The following AKAP13 variants were observed in gnomAD, a reference collection of about 807,000 sequenced individuals.
AKAP13 encodes the protein A-kinase anchoring protein 13.
AKAP13 carries 80 observed loss-of-function variants against 264.5 expected under a neutral mutation model. The observed-to-expected ratio is 0.30, with a 90% CI of 0.25 to 0.36. The LOEUF (loss-of-function observed/expected upper bound fraction) is 0.36. AKAP13 is among the 10% of genes least tolerant of loss of function. The probability of loss-of-function intolerance (pLI) is 1.00; values close to 1 mark genes in which losing one functional copy is unlikely to be tolerated. For synonymous variants in AKAP13, 1,380 were observed against 1,250.2 expected (o/e 1.10, Z -2.19); for missense variants, 3,712 against 3,435.2 (o/e 1.08, Z -2.01).
chr15:85,597,222 A>G (rs2079857797), intron 8 of AKAP13, among the ~76,000 whole-genome samples: 1 of 152,212 alleles, frequency 6.6e-6, no homozygotes, highest in Admixed American at 6.5e-5. Flanking sequence ...AGTGAGCATG[A>G]GGCTTGTGCC....
In AKAP13 at chr15:85,727,346, G is replaced by A. The variant is rs1338279331; in HGVS notation, c.7005-35G>A. On this transcript the variant is annotated intron_variant, in intron 28 of 36. Coordinates refer to ENST00000394518, the MANE Select transcript of AKAP13 (RefSeq NM_007200.5). The surrounding 1 kb of genome is among the most constrained non-coding windows in gnomAD (Gnocchi z 5.3). Reference sequence around the variant, plus strand: ...GTGACCAGAGTAATTGACATCTTAGGAATTTTTTGTTCTGTCTTGTTTGGG... The same window carrying A: ...GTGACCAGAGTAATTGACATCTTAGAAATTTTTTGTTCTGTCTTGTTTGGG... 1.9e-6 allele frequency: 3 copies of A among 1,613,850 alleles called. No individual in the cohort carries two copies. The highest frequency in any genetic ancestry group is 1.3e-5 in the African/African-American group (1 of 74,918).
intron 13 of AKAP13, among the ~76,000 whole-genome samples, chr15:85,665,398 A>G (rs2083536711): frequency 6.6e-6 from 1 of 152,186 alleles, no homozygotes; most frequent in Non-Finnish European, 1.5e-5. Context: ...TAATTTTCCC[A>G]ATTCTCTAAA....
chr15:85,487,145 A>T (rs991676526), intron 2 of AKAP13, among the ~76,000 whole-genome samples: 13 of 152,218 alleles, frequency 8.5e-5, no homozygotes, highest in African/African-American at 3.1e-4. Flanking sequence ...ACTATAATCT[A>T]ACTTGTTTGG....
chr15:85,412,103 T>C (rs1431103166), intron 1 of AKAP13, among the ~76,000 whole-genome samples: 1 of 104,982 alleles, frequency 9.5e-6, no homozygotes. Context: ...CAATGTATGA[T>C]GTTACAGCAA....
intron 12 of AKAP13, chr15:85,662,305 C>A: frequency 1.4e-6 from 2 of 1,421,198 alleles, no homozygotes; most frequent in Non-Finnish European, 2.0e-6. Context: ...TAACTATGCC[C>A]TTCGTTTTTA....
At chr15:85,613,691 A>AATATATATATATATATATAT (rs751538813) in intron 8 of AKAP13, among the ~76,000 whole-genome samples, 2 of 91,968 alleles carry the variant, frequency 2.2e-5, no homozygotes, top group African/African-American at 9.1e-5. Context: ...AAAAAAAAAA[A>AATATATATATATATATATAT]ATATATATAT....
At chr15:85,543,416 T>G (rs114678030) in intron 4 of AKAP13, among the ~76,000 whole-genome samples, 1 of 152,356 alleles carries the variant, frequency 6.6e-6, no homozygotes, top group African/African-American at 2.4e-5. Context: ...GTTATTATTA[T>G]TTGAGTAAAA....
chr15:85,598,688 G>A (rs1464941284), intron 8 of AKAP13, among the ~76,000 whole-genome samples: 1 of 152,134 alleles, frequency 6.6e-6, no homozygotes, highest in Admixed American at 6.5e-5. Flanking sequence ...CCCTCAAGAA[G>A]CTCTATTGGG....
At chr15:85,512,863 ATGTATGTT>A (rs2076484891) in intron 2 of AKAP13, among the ~76,000 whole-genome samples, 1 of 95,452 alleles carries the variant, frequency 1.0e-5, no homozygotes, top group African/African-American at 3.1e-5. Flanking sequence ...GTATGTATGT[ATGTATGTT>A]TTTGAGGTGG....
chr15:85,541,646 C>T (rs2151208579), intron 4 of AKAP13, among the ~76,000 whole-genome samples: 1 of 152,276 alleles, frequency 6.6e-6, no homozygotes, highest in Non-Finnish European at 1.5e-5. Flanking sequence ...AAATCCTGAT[C>T]TGACTGTGGG....
chr15:85,693,479 A>C, intron 17 of AKAP13, 28 bp downstream of exon 17: 1 of 1,608,278 alleles, frequency 6.2e-7, no homozygotes, highest in Non-Finnish European at 8.5e-7. Context: ...TCCTCTCGTA[A>C]GATGGAACTC....
At chr15:85,386,683 AT>A (rs955154000) in intron 1 of AKAP13, among the ~76,000 whole-genome samples, 35 of 151,044 alleles carry the variant, frequency 2.3e-4, no homozygotes, top group African/African-American at 8.0e-4. Flanking sequence ...CATTGAGTTT[AT>A]TTTTTTGTGG....
At chr15:85,643,141 T>A (rs1353513681) in intron 9 of AKAP13, among the ~76,000 whole-genome samples, 2 of 152,148 alleles carry the variant, frequency 1.3e-5, no homozygotes, top group Non-Finnish European at 2.9e-5. Context: ...AAGGTGATTT[T>A]TTTTTTAAAT....
intron 14 of AKAP13, among the ~76,000 whole-genome samples, chr15:85,671,817 C>T (rs560943123): frequency 6.6e-6 from 1 of 152,102 alleles, no homozygotes; most frequent in Non-Finnish European, 1.5e-5. Flanking sequence ...CCTTCCGTGA[C>T]CAGCAAGTGT....
intron 9 of AKAP13, among the ~76,000 whole-genome samples, chr15:85,645,495 C>T (rs2082513614): frequency 1.3e-5 from 2 of 152,286 alleles, no homozygotes; most frequent in South Asian, 4.1e-4. Context: ...GAAAGCATTA[C>T]CATTCAGGTA....
At chr15:85,397,886 T>C (rs2071197254) in intron 1 of AKAP13, among the ~76,000 whole-genome samples, 1 of 152,254 alleles carries the variant, frequency 6.6e-6, no homozygotes, top group Non-Finnish European at 1.5e-5. Flanking sequence ...TGCCATCATT[T>C]ATTATTACTT....
chr15:85,501,685 A>C (rs1291999763), intron 2 of AKAP13, among the ~76,000 whole-genome samples: 3 of 152,218 alleles, frequency 2.0e-5, no homozygotes, highest in African/African-American at 7.2e-5. Context: ...AAAGCAGAGG[A>C]AAGTATCAGA....
At chr15:85,516,060 C>G (rs2076587621) in intron 2 of AKAP13, among the ~76,000 whole-genome samples, 1 of 152,108 alleles carries the variant, frequency 6.6e-6, no homozygotes, top group Non-Finnish European at 1.5e-5. Context: ...AAAATTCCAC[C>G]TAGGAATAAC....
At chr15:85,455,821 A>C (rs2074263631) in intron 1 of AKAP13, among the ~76,000 whole-genome samples, 1 of 152,072 alleles carries the variant, frequency 6.6e-6, no homozygotes. Flanking sequence ...TTCTTACTGC[A>C]AACTACTGTA....
Sources: allele counts gnomAD v4.1 joint callset (sites outside exome capture counted in the v4.1 genomes callset), GRCh38; gene constraint gnomAD v4.1.1; non-coding constraint Gnocchi (gnomAD v3.1); transcripts MANE v1.5; gene names NCBI Gene and HGNC (gene_info 2026-07-23, HGNC 2026-07-21).